Variants in ERCC8 observed in about 807,000 individuals in gnomAD.
The protein encoded by ERCC8 is ERCC excision repair 8, CSA ubiquitin ligase complex subunit, also known as DNA excision repair protein ERCC-8.
A neutral mutation model predicts 54.9 loss-of-function variants in ERCC8; 52 were observed. The observed-to-expected ratio is 0.95, with a 90% CI of 0.76 to 1.19. The LOEUF (loss-of-function observed/expected upper bound fraction) is 1.19. Among genes scored for constraint, ERCC8 ranks in the 50% most tolerant of loss-of-function variants. ERCC8 has a pLI of 0.00. For missense variants in ERCC8, 514 were observed against 466.1 expected (o/e 1.10, Z -0.95); for synonymous variants, 146 against 157.2 (o/e 0.93, Z 0.53).
chr5:60,914,690 T>G (rs1197206646), intron 4 of ERCC8, among the ~76,000 whole-genome samples: 2 of 150,686 alleles, frequency 1.3e-5, no homozygotes, highest in Non-Finnish European at 2.9e-5. Context: ...CTTTGGAGCC[T>G]GAGCTGAGAA....
intron 1 of ERCC8, 129 bp downstream of exon 1, chr5:60,944,803 A>T (rs1462981096): frequency 3.5e-6 from 2 of 575,608 alleles, no homozygotes; most frequent in Non-Finnish European, 6.4e-6. Context: ...AGCAAGCCAC[A>T]CAGCATTAGA....
At position 60,871,060 on chromosome 5, in the gene ERCC8, A is replaced by C. The variant is rs1747852874; in HGVS notation, c.*3555T>G. ...CACAATATCTATAGACCAACAAAAC[A>C]AAAGGACTACAACCCAAAAATCGTA... On this transcript the variant is annotated 3_prime_UTR_variant, in exon 12 of 12. Coordinates refer to ENST00000676185, the MANE Select transcript of ERCC8 (RefSeq NM_000082.4). Among the ~76,000 whole-genome samples the C allele has an allele frequency of 6.6e-6, 1 of 152,254 alleles. No homozygotes were observed. Among genetic ancestry groups the C allele is most frequent in the Non-Finnish European group, 1.5e-5 (1 of 68,048 alleles).
chr5:60,878,362 G>T (rs992186985), intron 11 of ERCC8, among the ~76,000 whole-genome samples: 4 of 152,112 alleles, frequency 2.6e-5, no homozygotes, highest in African/African-American at 9.7e-5. Flanking sequence ...CCAGGCTTTG[G>T]TATCAGGATG....
chr5:60,889,927 G>A (rs1042898436), intron 10 of ERCC8, among the ~76,000 whole-genome samples: 1 of 152,108 alleles, frequency 6.6e-6, no homozygotes. Flanking sequence ...GTTGGAGTAG[G>A]GTCTTGTAGG....
At chr5:60,931,619 A>G (rs2112536000) in intron 1 of ERCC8, among the ~76,000 whole-genome samples, 1 of 152,292 alleles carries the variant, frequency 6.6e-6, no homozygotes, top group African/African-American at 2.4e-5. Flanking sequence ...CTGAACTTTG[A>G]CATTCTTTCC....
chr5:60,920,606 G>C (rs926262621), intron 3 of ERCC8, among the ~76,000 whole-genome samples: 8 of 151,800 alleles, frequency 5.3e-5, no homozygotes, highest in African/African-American at 1.9e-4. Context: ...TTTTAAATTG[G>C]ATTGTAAATC....
intron 11 of ERCC8, among the ~76,000 whole-genome samples, chr5:60,883,463 C>T (rs958678817): frequency 3.9e-5 from 6 of 152,098 alleles, no homozygotes; most frequent in African/African-American, 1.4e-4. Flanking sequence ...CTATATCTCA[C>T]CAGGTTGTCA....
rs141845482 is a variant in ERCC8, at chr5:60,890,918, C to T, written c.1012G>A (p.Asp338Asn). 1,177 of 1,613,318 alleles carry T rather than the reference C, an allele frequency of 7.3e-4. 2 individuals carry two copies. Among genetic ancestry groups the T allele is most frequent in the Non-Finnish European group, 9.4e-4 (1,110 of 1,179,670 alleles). The change falls in exon 10 of 12, where the codon GAC (aspartate) becomes AAC (asparagine). Residue 338 changes from aspartate (D) to asparagine (N), a missense_variant. Coordinates refer to ENST00000676185, the MANE Select transcript of ERCC8 (RefSeq NM_000082.4). The stretch of plus-strand genomic sequence containing the variant: ...AAATTTGACTGAAATACACAGCAGT[C>T]AACAGTTTTATAATGTCCCTTAAGC... The part of the protein sequence containing the change: ...TMLKGHYKTV[D>N]CCVFQSNFQE...
intron 1 of ERCC8, among the ~76,000 whole-genome samples, chr5:60,930,659 G>A (rs1178176810): frequency 2.6e-5 from 4 of 152,320 alleles, no homozygotes; most frequent in African/African-American, 9.6e-5. Context: ...CCAGGAGGCA[G>A]AGGTTGCAGT....
Position 60,874,173 on chromosome 5 carries a change from TTTCAACTACTA to T in ERCC8, c.*431_*441del, listed in dbSNP as rs1579977623. On this transcript the variant is annotated 3_prime_UTR_variant, in exon 12 of 12. Coordinates refer to ENST00000676185, the MANE Select transcript of ERCC8 (RefSeq NM_000082.4). ...GAATAAAATAATTTTGATGTTACCA[TTTCAACTACTA>T]TTTTTGATATAATCATTCTTGGCAA... 6.5e-6 allele frequency: 1 copy of T among 154,262 alleles called. No homozygotes were observed. The highest frequency in any genetic ancestry group is 1.9e-4 in the East Asian group (1 of 5,246). The allele number at this position is 154,262 out of a possible 1,614,324, so 9.6% of individuals were successfully genotyped here.
chr5:60,921,251 AATATTCCATAGCAT>A (rs1749592729), intron 3 of ERCC8, among the ~76,000 whole-genome samples: 2 of 151,962 alleles, frequency 1.3e-5, no homozygotes, highest in African/African-American at 4.8e-5. Context: ...TCTCCTCCGA[AATATTCCATAGCAT>A]ATATTCTAAT....
rs1579987052 is a variant in ERCC8 at position 60,881,858 on chromosome 5, C to G, written c.1122+5582G>C. Among the ~76,000 whole-genome samples the G allele has an allele frequency of 2.6e-5, 4 of 152,284 alleles. No individual in the cohort carries two copies. The South Asian group carries it at 8.3e-4, about 32-fold the overall frequency. On this transcript the variant is annotated intron_variant, in intron 11 of 11. Coordinates refer to ENST00000676185, the MANE Select transcript of ERCC8 (RefSeq NM_000082.4). ...TTTGGCTCATGCTCAGTGCGCTGCA[C>G]CCACTGTCCTGCACCCACTGTCCGA...
Position 60,937,748 on chromosome 5 carries a change from C to T in ERCC8, c.77+7184G>A, listed in dbSNP as rs539753850. ...GAGAAAGCCAGCCAACTCACAGTTC[C>T]TTGGCTGTCCCACAGTGCCTGCAGC... On this transcript the variant is annotated intron_variant, in intron 1 of 11. Coordinates refer to ENST00000676185, the MANE Select transcript of ERCC8 (RefSeq NM_000082.4). 7.7e-4 allele frequency among the ~76,000 whole-genome samples: 117 copies of T among 152,276 alleles called. 2 individuals carry two copies. The South Asian group carries it at 0.023, about 30-fold the overall frequency.
At chr5:60,940,097 T>C (rs1341091343) in intron 1 of ERCC8, among the ~76,000 whole-genome samples, 1 of 152,222 alleles carries the variant, frequency 6.6e-6, no homozygotes, top group Non-Finnish European at 1.5e-5. Context: ...CCTAATCTCT[T>C]ATCATTTTCA....
chr5:60,878,262 A>G (rs1186742868), intron 11 of ERCC8, among the ~76,000 whole-genome samples: 2 of 152,146 alleles, frequency 1.3e-5, no homozygotes, highest in Non-Finnish European at 2.9e-5. Context: ...GTGCTGCTGG[A>G]TTCAGTTTGC....
intron 1 of ERCC8, among the ~76,000 whole-genome samples, chr5:60,933,216 C>CTTTTTTCTTTTTTTTT (rs1749963138): frequency 1.1e-5 from 1 of 89,484 alleles, no homozygotes; most frequent in African/African-American, 4.3e-5. Flanking sequence ...CCTTTTTTTT[C>CTTTTTTCTTTTTTTTT]TTTTTTTTTT....
chr5:60,912,731 T>C (rs541513101), intron 4 of ERCC8, among the ~76,000 whole-genome samples: 55 of 152,262 alleles, frequency 3.6e-4, no homozygotes, highest in African/African-American at 1.3e-3. Context: ...TGTGGGTTTG[T>C]CATAAATAGC....
Position 60,870,525 on chromosome 5 carries a change from G to C in ERCC8, c.*4090C>G, listed in dbSNP as rs1484464323. 6.7e-6 allele frequency among the ~76,000 whole-genome samples: 1 copy of C among 148,770 alleles called. No individual in the cohort carries two copies. The highest frequency in any genetic ancestry group is 1.9e-4 in the East Asian group (1 of 5,150). The stretch of plus-strand genomic sequence containing the variant: ...AAAAAAAAAAAAATTAGCCAGGCGT[G>C]GTGGTGGGCACCTGTAATCCCAGCT... On this transcript the variant is annotated 3_prime_UTR_variant, in exon 12 of 12. Coordinates refer to ENST00000676185, the MANE Select transcript of ERCC8 (RefSeq NM_000082.4).
intron 1 of ERCC8, among the ~76,000 whole-genome samples, chr5:60,938,188 A>AC (rs1445843979): frequency 6.7e-6 from 1 of 148,270 alleles, no homozygotes; most frequent in Non-Finnish European, 1.5e-5. Flanking sequence ...TTGATTTCCA[A>AC]CTTGTAACTT....
Sources: allele counts gnomAD v4.1 joint callset (sites outside exome capture counted in the v4.1 genomes callset), GRCh38; gene constraint gnomAD v4.1.1; transcripts MANE v1.5; gene names NCBI Gene and HGNC (gene_info 2026-07-23, HGNC 2026-07-21).